Variants in MAGI2 observed in about 807,000 individuals in gnomAD.
MAGI2 encodes membrane associated guanylate kinase, WW and PDZ domain containing 2, also known as membrane-associated guanylate kinase, WW and PDZ domain-containing protein 2.
MAGI2 carries 35 observed loss-of-function variants against 133.3 expected under a neutral mutation model. That is an observed-to-expected ratio of 0.26 (90% confidence interval 0.20 to 0.35). The LOEUF is 0.35. Ranked by LOEUF, MAGI2 falls within the 10% of genes least tolerant of loss-of-function variation. The pLI is 1.00. For synonymous variants in MAGI2, 729 were observed against 710.6 expected, an observed-to-expected ratio of 1.03 and a Z score of -0.41; for missense variants, 1,636 against 1,863.4, an observed-to-expected ratio of 0.88 and a Z score of 2.25.
intron 2 of MAGI2, chr7:79,000,143 C>CTGT (rs1263406663): frequency 2.0e-5 from 3 of 152,146 alleles, no homozygotes; most frequent in African/African-American, 7.2e-5. Context: ...CGTGGAGCTA[C>CTGT]AGTTCAACTT....
At chr7:79,251,379 C>T (rs1337302309) in intron 1 of MAGI2, among the ~76,000 whole-genome samples, 1 of 151,916 alleles carries the variant, frequency 6.6e-6, no homozygotes, top group Non-Finnish European at 1.5e-5. Context: ...GGAGTTCAAA[C>T]AACTCTATAG....
intron 1 of MAGI2, among the ~76,000 whole-genome samples, chr7:79,409,261 CT>C (rs1845999187): frequency 6.7e-6 from 1 of 149,540 alleles, no homozygotes; most frequent in Non-Finnish European, 1.5e-5. Context: ...ATCAAAATAT[CT>C]TTTTTAAAAT....
chr7:78,832,485 G>C (rs555984770), intron 2 of MAGI2, among the ~76,000 whole-genome samples: 1 of 152,090 alleles, frequency 6.6e-6, no homozygotes, highest in Non-Finnish European at 1.5e-5. Flanking sequence ...AAATAAAATA[G>C]TTTAGGGGGC....
intron 6 of MAGI2, among the ~76,000 whole-genome samples, chr7:78,452,662 A>G (rs1788855093): frequency 6.6e-6 from 1 of 151,830 alleles, no homozygotes; most frequent in Non-Finnish European, 1.5e-5. Context: ...GTAAAAAGCA[A>G]CCATCCCTTT....
chr7:79,317,786 A>G (rs1323532220), intron 1 of MAGI2, among the ~76,000 whole-genome samples: 1 of 152,140 alleles, frequency 6.6e-6, no homozygotes, highest in Non-Finnish European at 1.5e-5. Flanking sequence ...TTCGCTTGCC[A>G]TGAAGGCTTC....
chr7:78,752,466 G>A (rs1471151659), intron 2 of MAGI2, among the ~76,000 whole-genome samples: 1 of 150,812 alleles, frequency 6.6e-6, no homozygotes, highest in Non-Finnish European at 1.5e-5. Context: ...AGCTGGGCAT[G>A]GTGGTGTGCA....
rs369015757 is a variant in MAGI2, at chr7:78,418,498, T to C, written c.1046-49285A>G. Reference sequence around the variant, plus strand: ...CTTCTATGATGATGGAAATGCTATATAATCTATACTGTCCAATACAGTAGC... The same window carrying C: ...CTTCTATGATGATGGAAATGCTATACAATCTATACTGTCCAATACAGTAGC... On this transcript the variant is annotated intron_variant, in intron 6 of 21. Transcript: ENST00000354212. Among the ~76,000 whole-genome samples the C allele has an allele frequency of 1.2e-4, 18 of 152,278 alleles. No homozygotes were observed. The South Asian group carries it at 3.7e-3, about 32-fold the overall frequency.
At chr7:78,172,283 G>T (rs1196825077) in intron 14 of MAGI2, among the ~76,000 whole-genome samples, 1 of 152,122 alleles carries the variant, frequency 6.6e-6, no homozygotes, top group East Asian at 1.9e-4. Flanking sequence ...AGTAGTATCT[G>T]CTCTGTAGTA....
chr7:79,190,920 A>G (rs1460125365), intron 1 of MAGI2, among the ~76,000 whole-genome samples: 1 of 151,872 alleles, frequency 6.6e-6, no homozygotes, highest in Admixed American at 6.6e-5. Flanking sequence ...CAATGCCATT[A>G]AAAATAAGAT....
chr7:78,730,347 A>G (rs1245367129), intron 2 of MAGI2, among the ~76,000 whole-genome samples: 2 of 151,808 alleles, frequency 1.3e-5, no homozygotes, highest in Admixed American at 6.6e-5. Context: ...TCAGGAATGA[A>G]TTCCACGAAT....
intron 1 of MAGI2, among the ~76,000 whole-genome samples, chr7:79,446,418 T>G (rs532189720): frequency 1.8e-4 from 28 of 152,320 alleles, no homozygotes; most frequent in Admixed American, 5.2e-4. Context: ...TATCCAATGA[T>G]ATATCCAAAG....
intron 3 of MAGI2, among the ~76,000 whole-genome samples, chr7:78,531,051 G>A (rs1797424239): frequency 6.6e-6 from 1 of 152,072 alleles, no homozygotes; most frequent in Non-Finnish European, 1.5e-5. Context: ...TGATGACCCT[G>A]CTCCCTCAGG....
intron 21 of MAGI2, chr7:78,039,716 A>G (rs957576298): frequency 6.6e-6 from 1 of 152,230 alleles, no homozygotes; most frequent in Non-Finnish European, 1.5e-5. Flanking sequence ...AATAAATCAT[A>G]ATAAATGGAA....
chr7:78,527,131 T>C (rs1395476432), intron 3 of MAGI2, among the ~76,000 whole-genome samples: 1 of 150,910 alleles, frequency 6.6e-6, no homozygotes, highest in Non-Finnish European at 1.5e-5. Flanking sequence ...ATTTAATAAA[T>C]GCCCATTTAC....
chr7:78,489,622 C>G (rs574680777), intron 6 of MAGI2, 139 bp downstream of exon 6: 7 of 715,108 alleles, frequency 9.8e-6, no homozygotes, highest in Non-Finnish European at 1.2e-5. Flanking sequence ...TTAATTCTCT[C>G]TCTTATCTGA....
chr7:78,938,107 A>G (rs143032997), intron 2 of MAGI2, among the ~76,000 whole-genome samples: 9 of 152,260 alleles, frequency 5.9e-5, no homozygotes, highest in African/African-American at 2.2e-4. Flanking sequence ...TCTACACAAA[A>G]CAACAAAAGT....
At chr7:78,211,384 G>A (rs1276233996) in intron 10 of MAGI2, among the ~76,000 whole-genome samples, 4 of 152,198 alleles carry the variant, frequency 2.6e-5, no homozygotes, top group African/African-American at 9.6e-5. Context: ...TGGAGTGAGA[G>A]TTATGCACAC....
At chr7:78,156,667 G>A (rs79075484) in intron 16 of MAGI2, among the ~76,000 whole-genome samples, 18,440 of 151,992 alleles carry the variant, frequency 0.12, 1,143 homozygotes, top group East Asian at 0.17. Flanking sequence ...TGGTTAGTAA[G>A]TGATAGAGCC....
intron 6 of MAGI2, among the ~76,000 whole-genome samples, chr7:78,464,733 ATT>A (rs5885066): frequency 2.0e-4 from 30 of 146,874 alleles, no homozygotes; most frequent in African/African-American, 5.7e-4. Flanking sequence ...TAAGAACCTG[ATT>A]TTTTTTTTTT....
Sources: gnomAD v4.1 joint callset for allele counts (sites outside exome capture counted in the v4.1 genomes callset) on GRCh38, gnomAD v4.1.1 for gene constraint, MANE v1.5 for transcripts, NCBI Gene and HGNC (gene_info 2026-07-23, HGNC 2026-07-21) for gene names.